The following TMOD3 variants were observed in gnomAD, a reference collection of about 807,000 sequenced individuals.
TMOD3 encodes the protein tropomodulin-3.
A neutral mutation model predicts 39.2 loss-of-function variants in TMOD3; 20 were observed. The ratio of observed to expected loss-of-function variants is 0.51; its 90% CI spans 0.36 to 0.74. The LOEUF (loss-of-function observed/expected upper bound fraction) is 0.74. TMOD3 is among the 30% of genes least tolerant of loss of function. The pLI, the probability that TMOD3 is intolerant of heterozygous loss-of-function variation, is 0.00. For synonymous variants in TMOD3, 143 were observed against 145.8 expected, an observed-to-expected ratio of 0.98 and a Z score of 0.14; for missense variants, 381 against 412.8, an observed-to-expected ratio of 0.92 and a Z score of 0.67.
chr15:51,863,062 A>G (rs2056427447), intron 2 of TMOD3, 52 bp downstream of exon 2: 1 of 1,568,264 alleles, frequency 6.4e-7, no homozygotes, highest in African/African-American at 1.4e-5. Context: ...ATTCTTTGAA[A>G]CTCAGTAGCT....
intron 1 of TMOD3, among the ~76,000 whole-genome samples, chr15:51,836,718 C>T (rs1409669805): frequency 4.0e-5 from 5 of 125,872 alleles, no homozygotes; most frequent in African/African-American, 9.3e-5. Flanking sequence ...AGTGATGCTC[C>T]GTCTCAAAAA....
At chr15:51,850,372 T>C (rs1360368667) in intron 1 of TMOD3, among the ~76,000 whole-genome samples, 1 of 152,122 alleles carries the variant, frequency 6.6e-6, no homozygotes, top group Admixed American at 6.5e-5. Flanking sequence ...TTATCCATAA[T>C]AGCAAGAGGG....
In TMOD3 at chr15:51,909,434, C is replaced by T. The variant is rs2570218; in HGVS notation, c.*624C>T. The T allele has an allele frequency of 0.048, 7,376 of 152,550 alleles. 408 individuals carry two copies. Among genetic ancestry groups the T allele is most frequent in the African/African-American group, 0.12 (5,057 of 41,410 alleles). The allele number at this position is 152,550 out of a possible 1,614,324, so 9.4% of individuals were successfully genotyped here. A position where few individuals can be genotyped will look rare whatever the true frequency, so the allele number is the denominator to read the frequency against. ...TGATGTGACGTAGCAACACCCAGGT[C>T]TTCTTAAAACAAAGTCATCAGCTTT... is the stretch of plus-strand genomic sequence containing the variant. On this transcript the variant is annotated 3_prime_UTR_variant, in exon 10 of 10. Transcript: ENST00000308580.
At chr15:51,892,515 C>T (rs916234323) in intron 5 of TMOD3, 6 of 152,120 alleles carry the variant, frequency 3.9e-5, no homozygotes, top group African/African-American at 1.4e-4. Flanking sequence ...TGAGGGAGGG[C>T]AGTAAATTTT....
intron 3 of TMOD3, among the ~76,000 whole-genome samples, chr15:51,879,208 T>C (rs2141695060): frequency 6.6e-6 from 1 of 152,324 alleles, no homozygotes; most frequent in South Asian, 2.1e-4. Context: ...TATCTCAATG[T>C]CTTCCATTTC....
chr15:51,869,399 T>C, intron 3 of TMOD3, 26 bp downstream of exon 3: 1 of 1,604,460 alleles, frequency 6.2e-7, no homozygotes. Context: ...TTAAAGTCAT[T>C]ATGTGGTAAC....
At chr15:51,870,498 T>C (rs750734932) in intron 3 of TMOD3, among the ~76,000 whole-genome samples, 1 of 152,174 alleles carries the variant, frequency 6.6e-6, no homozygotes, top group Non-Finnish European at 1.5e-5. Flanking sequence ...GGCTTTTTAT[T>C]TGAGAAAGAG....
At chr15:51,859,229 C>T (rs1217842437) in intron 1 of TMOD3, 2 of 741,410 alleles carry the variant, frequency 2.7e-6, no homozygotes, top group African/African-American at 1.7e-5. Flanking sequence ...CTACAGATGC[C>T]TCTGCTGACT....
chr15:51,904,420 T>C (rs1194102280), intron 9 of TMOD3, among the ~76,000 whole-genome samples: 1 of 152,216 alleles, frequency 6.6e-6, no homozygotes, highest in African/African-American at 2.4e-5. Flanking sequence ...ATTAAGTGAA[T>C]AAATAAGTGG....
chr15:51,894,082 G>A (rs2056609116), intron 6 of TMOD3, 137 bp downstream of exon 6: 1 of 638,110 alleles, frequency 1.6e-6, no homozygotes, highest in Non-Finnish European at 2.3e-6. Context: ...TGCTAACATA[G>A]GTTTCTTCAT....
chr15:51,893,473 G>GT (rs1437482993), intron 5 of TMOD3, among the ~76,000 whole-genome samples: 2 of 150,626 alleles, frequency 1.3e-5, no homozygotes, highest in African/African-American at 4.9e-5. Flanking sequence ...CACTGTAATA[G>GT]TATCAACTCC....
At chr15:51,859,062 C>A in intron 1 of TMOD3, 1 of 449,392 alleles carries the variant, frequency 2.2e-6, no homozygotes, top group Admixed American at 3.5e-5. Flanking sequence ...TAAAGTGTGT[C>A]TTGAAATCAG....
chr15:51,839,759 A>C (rs2056304467), intron 1 of TMOD3, among the ~76,000 whole-genome samples: 1 of 152,156 alleles, frequency 6.6e-6, no homozygotes, highest in South Asian at 2.1e-4. Context: ...TGAATTACTA[A>C]AATTTGTGTT....
intron 2 of TMOD3, 78 bp from the exon 3 acceptor site, chr15:51,869,139 T>C (rs1055941158): frequency 2.7e-6 from 4 of 1,497,594 alleles, no homozygotes; most frequent in Non-Finnish European, 2.7e-6. Flanking sequence ...GTAATTCTTT[T>C]TTATATGGGT....
chr15:51,884,990 A>G (rs2056552441), intron 3 of TMOD3, among the ~76,000 whole-genome samples: 1 of 152,232 alleles, frequency 6.6e-6, no homozygotes, highest in South Asian at 2.1e-4. Flanking sequence ...GACCCCAGTC[A>G]GACCTGCTGC....
At chr15:51,860,047 G>A (rs975348064) in intron 1 of TMOD3, 22 of 530,214 alleles carry the variant, frequency 4.1e-5, no homozygotes, top group African/African-American at 3.5e-4. Context: ...CTTCATATAC[G>A]GCACAGCATC....
At chr15:51,838,696 C>T (rs999801871) in intron 1 of TMOD3, among the ~76,000 whole-genome samples, 3 of 152,158 alleles carry the variant, frequency 2.0e-5, no homozygotes, top group African/African-American at 4.8e-5. Flanking sequence ...TACTGAGACA[C>T]CCTGAGGCAG....
At chr15:51,896,650 T>C (rs1036464049) in intron 7 of TMOD3, 124 bp downstream of exon 7, 42 of 593,210 alleles carry the variant, frequency 7.1e-5, no homozygotes, top group Admixed American at 1.9e-4. Flanking sequence ...TTAGGCAGTA[T>C]ATTACTTACC....
chr15:51,836,285 C>A (rs1214680987), intron 1 of TMOD3, among the ~76,000 whole-genome samples: 3 of 152,192 alleles, frequency 2.0e-5, no homozygotes, highest in Non-Finnish European at 4.4e-5. Flanking sequence ...TTAGCAGTTA[C>A]TACCTAATTC....
Sources: allele counts gnomAD v4.1 joint callset (sites outside exome capture counted in the v4.1 genomes callset), GRCh38; gene constraint gnomAD v4.1.1; transcripts MANE v1.5; gene names NCBI Gene and HGNC (gene_info 2026-07-23, HGNC 2026-07-21).